Variants in PRPF38A observed in about 807,000 individuals in gnomAD.
The protein encoded by PRPF38A is pre-mRNA-splicing factor 38A.
Under a neutral mutation model 46.8 loss-of-function variants are expected in PRPF38A, and 11 were observed. The observed-to-expected ratio is 0.24, with a 90% CI of 0.15 to 0.39. The LOEUF (loss-of-function observed/expected upper bound fraction) is 0.39. PRPF38A is among the 10% of genes least tolerant of loss of function. The pLI is 1.00. For synonymous variants in PRPF38A, 124 were observed against 136.2 expected (o/e 0.91, Z 0.62); for missense variants, 261 against 407.5 (o/e 0.64, Z 3.10).
At chr1:52,416,620 T>C in intron 9 of PRPF38A, 28 bp from the exon 10 acceptor site, 1 of 1,593,026 alleles carries the variant, frequency 6.3e-7, no homozygotes, top group South Asian at 1.1e-5. Flanking sequence ...CTTCTTAATA[T>C]AATTATTTAT....
chr1:52,405,534 G>A, intron 1 of PRPF38A, 146 bp from the exon 2 acceptor site: 1 of 691,556 alleles, frequency 1.4e-6, no homozygotes, highest in Non-Finnish European at 2.5e-6. Flanking sequence ...TATATTAGCT[G>A]TTGTCGTTAC....
chr1:52,405,001 C>A, intron 1 of PRPF38A, 122 bp downstream of exon 1: 1 of 1,239,398 alleles, frequency 8.1e-7, no homozygotes, highest in Non-Finnish European at 1.1e-6. Context: ...GTCGATCATT[C>A]AGAAAAATTT....
intron 4 of PRPF38A, 48 bp downstream of exon 4, chr1:52,411,248 G>A (rs556198418): frequency 1.2e-5 from 17 of 1,375,264 alleles, no homozygotes; most frequent in East Asian, 9.1e-5. Flanking sequence ...CTTCCTAGAC[G>A]GGCAGACAGA....
chr1:52,410,803 G>A (rs1338710636), intron 3 of PRPF38A, among the ~76,000 whole-genome samples: 1 of 152,080 alleles, frequency 6.6e-6, no homozygotes. Flanking sequence ...CTCCTAGCCA[G>A]TTCTCAAAAG....
Position 52,405,834 on chromosome 1 carries a change from T to C in PRPF38A, c.285T>C (p.Asp95=). Residue 95 remains aspartate, a synonymous_variant, in exon 2 of 10, where the codon GAT becomes GAC. Coordinates refer to ENST00000257181, the MANE Select transcript of PRPF38A (RefSeq NM_032864.4). Reference sequence around the variant, plus strand: ...TTGTAGAGTTTATCAAAAATGAAGATTTCAAGTGAGTGCAATGTTCACTAG... The same window carrying C: ...TTGTAGAGTTTATCAAAAATGAAGACTTCAAGTGAGTGCAATGTTCACTAG... ...DIIVEFIKNE[D]FKYVRMLGAL... 1 of 1,614,042 alleles carries C rather than the reference T, an allele frequency of 6.2e-7. No individual in the cohort carries two copies. The highest frequency in any genetic ancestry group is 8.5e-7 in the Non-Finnish European group (1 of 1,179,916).
chr1:52,411,216 C>A lies in PRPF38A; in HGVS notation c.498+16C>A. On this transcript the variant is annotated intron_variant, in intron 4 of 9. Coordinates refer to ENST00000257181, the MANE Select transcript of PRPF38A (RefSeq NM_032864.4). ...CCGACTACAGGTAAGAAATAAAAGT[C>A]TGTTACCAGAGTCACCCTTCTCTTC... 6.3e-7 allele frequency: 1 copy of A among 1,582,350 alleles called. No homozygotes were observed. The highest frequency in any genetic ancestry group is 8.7e-7 in the Non-Finnish European group (1 of 1,152,374).
At chr1:52,408,746 CAG>C in intron 3 of PRPF38A, 56 bp downstream of exon 3, 1 of 1,591,518 alleles carries the variant, frequency 6.3e-7, no homozygotes, top group Non-Finnish European at 8.6e-7. Flanking sequence ...TTTATTTTAC[CAG>C]TACTTCTACC....
chr1:52,410,913 C>T (rs1336669553), intron 3 of PRPF38A, among the ~76,000 whole-genome samples: 2 of 152,224 alleles, frequency 1.3e-5, no homozygotes, highest in African/African-American at 2.4e-5. Flanking sequence ...TCTTCAAGAT[C>T]ATCCCTACAT....
In PRPF38A at chr1:52,419,367, A is replaced by C. The variant is rs1241957903; in HGVS notation, c.*2677A>C. ...GCGAAACTCCATCTCAAAAAAAAAA[A>C]AAAAAGAAGAAGAAGAATGGGTTTG... On this transcript the variant is annotated 3_prime_UTR_variant, in exon 10 of 10. Transcript: ENST00000257181. 2 of 152,372 alleles carry C rather than the reference A, an allele frequency of 1.3e-5. No homozygotes were observed. The highest frequency in any genetic ancestry group is 2.9e-5 in the Non-Finnish European group (2 of 68,336). 9.4% of individuals were successfully genotyped at this position (152,372 alleles called of 1,614,324 possible). A position where few individuals can be genotyped will look rare whatever the true frequency, so the allele number is the denominator to read the frequency against.
intron 5 of PRPF38A, among the ~76,000 whole-genome samples, chr1:52,413,071 T>C (rs1258375697): frequency 6.6e-6 from 1 of 152,234 alleles, no homozygotes; most frequent in Admixed American, 6.5e-5. Flanking sequence ...CTCTGCCATA[T>C]ACTAGTAGTA....
At position 52,413,952 on chromosome 1, in the gene PRPF38A, C is replaced by T; in HGVS notation, c.683C>T (p.Thr228Ile). The change falls in exon 6 of 10, where the codon ACA becomes ATA. Residue 228 changes from threonine to isoleucine, a missense_variant. Thr to Ile is a moderately conservative substitution (Grantham distance 89). This residue lies in a region of PRPF38A where 180 missense variants were observed against 221.0 expected (regional missense o/e 0.81). Transcript: ENST00000257181. ...TTGGACAAGCCCCGTCGCTCTCCCACACTGCGCTACAGGAGGAGTAGGAGC... is the reference window on the plus strand; with the variant it reads ...TTGGACAAGCCCCGTCGCTCTCCCATACTGCGCTACAGGAGGAGTAGGAGC... ...RDLDKPRRSP[T>I]LRYRRSRSRS... 1 of 1,613,882 alleles carries T rather than the reference C, an allele frequency of 6.2e-7. No individual in the cohort carries two copies. Among genetic ancestry groups the T allele is most frequent in the Non-Finnish European group, 8.5e-7 (1 of 1,179,828 alleles).
intron 4 of PRPF38A, 79 bp downstream of exon 4, chr1:52,411,279 A>T (rs1037232631): frequency 2.0e-6 from 2 of 990,728 alleles, no homozygotes; most frequent in Non-Finnish European, 3.2e-6. Context: ...CACACAGCTT[A>T]AACACTGAAG....
intron 2 of PRPF38A, 117 bp downstream of exon 2, chr1:52,405,956 T>G: frequency 2.2e-6 from 2 of 891,546 alleles, no homozygotes; most frequent in Non-Finnish European, 3.5e-6. Context: ...CCACTCCAGA[T>G]TTTTGCTTTT....
In PRPF38A at chr1:52,420,372, ATAT is replaced by A. The variant is rs1464376995; in HGVS notation, c.*3686_*3688del. Reference sequence around the variant, plus strand: ...TAATGGGCAATGATTATAAAGTCAAATATTATGAACACTGTCTATATAGAAATA... The same window carrying A: ...TAATGGGCAATGATTATAAAGTCAAATATGAACACTGTCTATATAGAAATA... On this transcript the variant is annotated 3_prime_UTR_variant, in exon 10 of 10. Transcript: ENST00000257181. 1 of 152,194 alleles carries A rather than the reference ATAT, an allele frequency of 6.6e-6. No individual in the cohort carries two copies. Among genetic ancestry groups the A allele is most frequent in the African/African-American group, 2.4e-5 (1 of 41,448 alleles). 9.4% of individuals were successfully genotyped at this position (152,194 alleles called of 1,614,324 possible). A position where few individuals can be genotyped will look rare whatever the true frequency, so the allele number is the denominator to read the frequency against.
In PRPF38A at chr1:52,416,837, AG is replaced by A; in HGVS notation, c.*149del. 3.0e-6 allele frequency: 2 copies of A among 674,612 alleles called. No individual in the cohort carries two copies. Among genetic ancestry groups the A allele is most frequent in the South Asian group, 3.4e-5 (2 of 58,118 alleles). 41.8% of individuals were successfully genotyped at this position (674,612 alleles called of 1,614,324 possible). ...TCTCAACCTTTATTTTTAATGAAGGAGGTGCTGAGTTTTGTATCTTTTTAAT... is the reference window on the plus strand; with the variant it reads ...TCTCAACCTTTATTTTTAATGAAGGAGTGCTGAGTTTTGTATCTTTTTAAT... On this transcript the variant is annotated 3_prime_UTR_variant, in exon 10 of 10. Transcript: ENST00000257181.
chr1:52,406,575 A>G (rs898995531), intron 2 of PRPF38A, among the ~76,000 whole-genome samples: 1 of 152,216 alleles, frequency 6.6e-6, no homozygotes, highest in African/African-American at 2.4e-5. Context: ...TATCTGTAAA[A>G]TGGTGACTAT....
rs191769170 is a variant in PRPF38A at position 52,417,481 on chromosome 1, T to C, written c.*791T>C. The C allele has an allele frequency of 6.6e-6, 1 of 152,214 alleles. No homozygotes were observed. Among genetic ancestry groups the C allele is most frequent in the East Asian group, 1.9e-4 (1 of 5,192 alleles). 9.4% of individuals were successfully genotyped at this position (152,214 alleles called of 1,614,324 possible). On this transcript the variant is annotated 3_prime_UTR_variant, in exon 10 of 10. Transcript: ENST00000257181. ...TAGTCATGGTTTTGACCTAAATTGC[T>C]AGACAGTCGTGCCATTCACAAAGTC...
chr1:52,415,827 G>A (rs1432624629), intron 9 of PRPF38A, among the ~76,000 whole-genome samples: 1 of 136,652 alleles, frequency 7.3e-6, no homozygotes, highest in Non-Finnish European at 1.5e-5. Context: ...ACCGTTGGGT[G>A]CACTCTTTTT....
intron 2 of PRPF38A, chr1:52,408,344 A>G (rs1557591513): frequency 1.5e-6 from 1 of 667,768 alleles, no homozygotes; most frequent in South Asian, 1.5e-5. Context: ...AAAGTTGATC[A>G]ATATGTATGA....
Sources: allele counts gnomAD v4.1 joint callset (sites outside exome capture counted in the v4.1 genomes callset), GRCh38; gene constraint gnomAD v4.1.1; regional missense constraint gnomAD v4.1.1; transcripts MANE v1.5; gene names NCBI Gene and HGNC (gene_info 2026-07-23, HGNC 2026-07-21).